The following CEMIP2 variants were observed in gnomAD, a reference collection of about 807,000 sequenced individuals.
CEMIP2 encodes the protein cell migration inducing hyaluronidase 2, also known as cell surface hyaluronidase CEMIP2.
CEMIP2 carries 79 observed loss-of-function variants against 146.9 expected under a neutral mutation model. The observed-to-expected ratio is 0.54, with a 90% CI of 0.45 to 0.65. The LOEUF (loss-of-function observed/expected upper bound fraction) is 0.65, where lower values mean the gene tolerates loss of function less well. CEMIP2 is among the 30% of genes least tolerant of loss of function. The pLI is 0.00. For missense variants in CEMIP2, 1,596 were observed against 1,696.2 expected, an observed-to-expected ratio of 0.94 and a Z score of 1.04; for synonymous variants, 601 against 606.3, an observed-to-expected ratio of 0.99 and a Z score of 0.13.
rs200988594 is a variant in CEMIP2, at chr9:71,717,948, G to A, written c.2399C>T (p.Ala800Val). The part of the protein sequence containing the change: ...RGGDIIVQNS[A>V]FADNGIGLTF... Reference sequence around the variant, plus strand: ...TAATAACTTGGTAGAGAATACCCACGCTGAATTTTGAACGATAATATCTCC... The same window carrying A: ...TAATAACTTGGTAGAGAATACCCACACTGAATTTTGAACGATAATATCTCC... The change falls in exon 13 of 24, where the codon GCA becomes GTA. Residue 800 changes from alanine to valine, a missense_variant and splice_region_variant. Physicochemically the swap from Ala to Val is moderately conservative, Grantham distance 64. Coordinates refer to ENST00000377044, the MANE Select transcript of CEMIP2 (RefSeq NM_013390.3). 30 of 1,602,836 alleles carry A rather than the reference G, an allele frequency of 1.9e-5. 1 individual carries two copies. Among genetic ancestry groups the A allele is most frequent in the South Asian group, 4.5e-5 (4 of 88,208 alleles).
chr9:71,762,389 G>C (rs988866138), intron 1 of CEMIP2, among the ~76,000 whole-genome samples: 17 of 151,758 alleles, frequency 1.1e-4, no homozygotes, highest in Admixed American at 3.3e-4. Context: ...TAGAGGCCGA[G>C]GCAGTTGGAT....
Position 71,685,407 on chromosome 9 carries a change from A to AAAT in CEMIP2, c.3956-15_3956-14insATT. 1 of 1,496,546 alleles carries AAAT rather than the reference A, an allele frequency of 6.7e-7. No individual in the cohort carries two copies. The highest frequency in any genetic ancestry group is 8.9e-7 in the Non-Finnish European group (1 of 1,125,828). 92.7% of individuals were successfully genotyped at this position (1,496,546 alleles called of 1,614,324 possible). On this transcript the variant is annotated splice_polypyrimidine_tract_variant and intron_variant, in intron 23 of 23. Coordinates refer to ENST00000377044, the MANE Select transcript of CEMIP2 (RefSeq NM_013390.3). ...ATATGGTACTCCCTAAAAAAAAAAA[A>AAAT]AAAAAAGAAAAAGAAAAAAAATCAA...
intron 21 of CEMIP2, among the ~76,000 whole-genome samples, chr9:71,691,704 C>T (rs1053575235): frequency 6.6e-6 from 1 of 151,938 alleles, no homozygotes; most frequent in Non-Finnish European, 1.5e-5. Flanking sequence ...GGTACTGTGG[C>T]CCATGCTTGT....
intron 2 of CEMIP2, among the ~76,000 whole-genome samples, chr9:71,747,801 A>G (rs1286203748): frequency 1.3e-5 from 2 of 152,170 alleles, no homozygotes; most frequent in Non-Finnish European, 2.9e-5. Flanking sequence ...CCCTAGGTTT[A>G]TGCTTTCTCT....
intron 2 of CEMIP2, among the ~76,000 whole-genome samples, chr9:71,746,590 C>T (rs561038066): frequency 1.1e-5 from 1 of 94,644 alleles, no homozygotes; most frequent in Admixed American, 1.4e-4. Context: ...TCAGGACAAA[C>T]TTCACCAAAA....
At position 71,734,936 on chromosome 9, in the gene CEMIP2, T is replaced by C. The variant is rs1249338601; in HGVS notation, c.1263A>G (p.Leu421=). ...CAGGTTTCCAACTACTAACATCATCTAGCAAATTTAGCTTCACTCCATCTA... is the reference window on the plus strand; with the variant it reads ...CAGGTTTCCAACTACTAACATCATCCAGCAAATTTAGCTTCACTCCATCTA... ...EVVDGVKLNL[L]DDVSSWKPGD... The change falls in exon 6 of 24, where the codon CTA becomes CTG. Residue 421 remains leucine (L), a synonymous_variant. Transcript: ENST00000377044. The C allele has an allele frequency of 9.9e-6, 16 of 1,613,368 alleles. No homozygotes were observed. The highest frequency in any genetic ancestry group is 1.4e-5 in the Non-Finnish European group (16 of 1,179,930).
intron 15 of CEMIP2, among the ~76,000 whole-genome samples, chr9:71,714,204 C>T (rs545655488): frequency 1.3e-5 from 2 of 152,214 alleles, no homozygotes; most frequent in Non-Finnish European, 2.9e-5. Context: ...ATGACATGGG[C>T]TCAGATGTGA....
intron 15 of CEMIP2, among the ~76,000 whole-genome samples, chr9:71,712,671 C>A (rs60365848): frequency 1.3e-5 from 2 of 152,018 alleles, no homozygotes; most frequent in African/African-American, 4.8e-5. Flanking sequence ...GACAAGTCTG[C>A]GCTTAGGCAG....
intron 16 of CEMIP2, among the ~76,000 whole-genome samples, chr9:71,711,853 C>A (rs977657290): frequency 5.3e-5 from 8 of 152,142 alleles, no homozygotes; most frequent in African/African-American, 1.2e-4. Context: ...GTCATTTTCC[C>A]TATCAAGGTA....
chr9:71,755,959 CACAAAAAAA>C (rs1249041528), intron 1 of CEMIP2, among the ~76,000 whole-genome samples: 488 of 38,970 alleles, frequency 0.013, 5 homozygotes, highest in African/African-American at 0.081. Flanking sequence ...GACTCTGTCT[CACAAAAAAA>C]AAAAAAAAAA....
chr9:71,748,518 A>G (rs1326238570), intron 2 of CEMIP2, among the ~76,000 whole-genome samples: 1 of 152,224 alleles, frequency 6.6e-6, no homozygotes, highest in Non-Finnish European at 1.5e-5. Context: ...TAGATGGAAT[A>G]TGAAAACACC....
intron 18 of CEMIP2, among the ~76,000 whole-genome samples, chr9:71,703,819 T>C (rs1474718925): frequency 6.6e-6 from 1 of 152,170 alleles, no homozygotes; most frequent in African/African-American, 2.4e-5. Flanking sequence ...TTTATTAATA[T>C]AACAAGACAG....
At chr9:71,725,463 GT>G (rs1486784776) in intron 11 of CEMIP2, 117 bp downstream of exon 11, 10 of 1,129,180 alleles carry the variant, frequency 8.9e-6, no homozygotes. Context: ...CTCATTATAA[GT>G]TAACTAGTCT....
At chr9:71,723,139 A>G in intron 11 of CEMIP2, among the ~76,000 whole-genome samples, 1 of 136,474 alleles carries the variant, frequency 7.3e-6, no homozygotes, top group Non-Finnish European at 1.7e-5. Context: ...AGCCAAAGAA[A>G]AAAAAAAAAA....
At chr9:71,700,925 C>A (rs1294647807) in intron 18 of CEMIP2, 101 bp from the exon 19 acceptor site, 3 of 1,054,742 alleles carry the variant, frequency 2.8e-6, no homozygotes, top group Non-Finnish European at 3.9e-6. Context: ...CCACTTCTTC[C>A]ACTTCCTGCC....
chr9:71,755,974 A>AC (rs1468729865), intron 1 of CEMIP2, among the ~76,000 whole-genome samples: 4 of 113,952 alleles, frequency 3.5e-5, no homozygotes, highest in Non-Finnish European at 8.2e-5. Flanking sequence ...AAAAAAAAAA[A>AC]AAAAAAAAAA....
rs1343026314 is a variant in CEMIP2 at position 71,685,807 on chromosome 9, C to T, written c.3891G>A (p.Gln1297=). 1.2e-6 allele frequency: 2 copies of T among 1,614,050 alleles called. No individual in the cohort carries two copies. The highest frequency in any genetic ancestry group is 2.2e-5 in the South Asian group (2 of 91,078). The part of the protein sequence containing the change: ...VLLSTRGEIK[Q]LNISHLLVPL... ...GTACTAGTAAGTGTGAAATGTTTAA[C>T]TGCTTTATTTCTCCTCTTGTGCTCA... is the stretch of plus-strand genomic sequence containing the variant. Residue 1297 remains glutamine (Q), a synonymous_variant, in exon 23 of 24, where the codon CAG becomes CAA. Coordinates refer to ENST00000377044, the MANE Select transcript of CEMIP2 (RefSeq NM_013390.3).
Position 71,694,594 on chromosome 9 carries a change from C to A in CEMIP2, c.3611G>T (p.Ser1204Ile), listed in dbSNP as rs55705132. 6.2e-7 allele frequency: 1 copy of A among 1,612,444 alleles called. No individual in the cohort carries two copies. Among genetic ancestry groups the A allele is most frequent in the East Asian group, 2.2e-5 (1 of 44,832 alleles). ...AGGGAGGTAACTTTTATGAGGATCA[C>A]TAGTAAACACCACCTAGACAGAGAA... ...GCGTRQVVFT[S>I]DPHKSYLPVQ... The change falls in exon 21 of 24, where the codon AGT becomes ATT. Residue 1204 changes from serine (S) to isoleucine (I), a missense_variant. By Grantham distance (142) the Ser-to-Ile change is moderately radical. Coordinates refer to ENST00000377044, the MANE Select transcript of CEMIP2 (RefSeq NM_013390.3).
chr9:71,767,339 A>C (rs1824827196), intron 1 of CEMIP2, among the ~76,000 whole-genome samples: 1 of 152,142 alleles, frequency 6.6e-6, no homozygotes, highest in South Asian at 2.1e-4. Flanking sequence ...AGCACATCTC[A>C]ATACATGCAA....
Sources: gnomAD v4.1 joint callset for allele counts (sites outside exome capture counted in the v4.1 genomes callset) on GRCh38, gnomAD v4.1.1 for gene constraint, MANE v1.5 for transcripts, NCBI Gene and HGNC (gene_info 2026-07-23, HGNC 2026-07-21) for gene names.